The following RUNDC3B variants were observed in gnomAD, a reference collection of about 807,000 sequenced individuals.
The protein encoded by RUNDC3B is RUN domain containing 3B.
A neutral mutation model predicts 58.4 loss-of-function variants in RUNDC3B; 33 were observed. That is an observed-to-expected ratio of 0.56 (90% CI 0.43 to 0.75). RUNDC3B has a LOEUF of 0.75. Ranked by LOEUF, RUNDC3B falls within the 30% of genes least tolerant of loss-of-function variation. The pLI is 0.00. For synonymous variants in RUNDC3B, 193 were observed against 195.2 expected, an observed-to-expected ratio of 0.99 and a Z score of 0.10; for missense variants, 501 against 535.7, an observed-to-expected ratio of 0.94 and a Z score of 0.64.
chr7:87,760,662 G>A (rs766012848), intron 6 of RUNDC3B, among the ~76,000 whole-genome samples: 16 of 151,998 alleles, frequency 1.1e-4, no homozygotes, highest in Non-Finnish European at 2.2e-4. Flanking sequence ...TAAAATTCTG[G>A]AAATAAACCC....
chr7:87,698,775 A>G (rs1311864719), intron 2 of RUNDC3B, among the ~76,000 whole-genome samples: 2 of 152,206 alleles, frequency 1.3e-5, no homozygotes, highest in African/African-American at 4.8e-5. Context: ...TGAAATAATC[A>G]AGTAAAGAAA....
chr7:87,821,559 T>C (rs998523016), intron 10 of RUNDC3B, among the ~76,000 whole-genome samples: 27 of 151,872 alleles, frequency 1.8e-4, no homozygotes, highest in Admixed American at 3.9e-4. Context: ...TCATGTGGAA[T>C]CAAAAAAGAG....
chr7:87,679,529 A>G (rs975937504), intron 2 of RUNDC3B, among the ~76,000 whole-genome samples: 1 of 150,078 alleles, frequency 6.7e-6, no homozygotes, highest in Non-Finnish European at 1.5e-5. Flanking sequence ...AGCTGGGACT[A>G]CAGGCACACA....
At chr7:87,641,277 A>T (rs1219247788) in intron 1 of RUNDC3B, among the ~76,000 whole-genome samples, 1 of 152,228 alleles carries the variant, frequency 6.6e-6, no homozygotes, top group Non-Finnish European at 1.5e-5. Flanking sequence ...TTAGAAAGAT[A>T]TCGCCAACAG....
chr7:87,826,270 C>T (rs868328131), intron 10 of RUNDC3B, among the ~76,000 whole-genome samples: 1 of 152,062 alleles, frequency 6.6e-6, no homozygotes, highest in Non-Finnish European at 1.5e-5. Flanking sequence ...GAATGAGTCT[C>T]ACGAAATCTG....
At chr7:87,814,274 A>G (rs1241881712) in intron 9 of RUNDC3B, among the ~76,000 whole-genome samples, 1 of 151,782 alleles carries the variant, frequency 6.6e-6, no homozygotes, top group Non-Finnish European at 1.5e-5. Context: ...CTAATTTTGT[A>G]TTTTTAGTAG....
intron 6 of RUNDC3B, among the ~76,000 whole-genome samples, chr7:87,752,943 T>C (rs1319929319): frequency 6.6e-6 from 1 of 151,332 alleles, no homozygotes; most frequent in East Asian, 1.9e-4. Flanking sequence ...GCTCTTGCTT[T>C]TCTAGTTCTT....
rs140124727 is a variant in RUNDC3B at position 87,767,890 on chromosome 7, T to G, written c.630-2691T>G. Among the ~76,000 whole-genome samples, 414 of 152,240 alleles carry G rather than the reference T, an allele frequency of 2.7e-3. 3 individuals carry two copies. The highest frequency in any genetic ancestry group is 9.5e-3 in the African/African-American group (394 of 41,542). On this transcript the variant is annotated intron_variant, in intron 6 of 10. Coordinates refer to ENST00000394654, the MANE Select transcript of RUNDC3B (RefSeq NM_001134405.2). ...TCAGTTTAGATAGACACTATCTTTA[T>G]CTCTAGGCCACAATGCAACTGAGGT...
chr7:87,786,380 T>C (rs1835218032), intron 8 of RUNDC3B, among the ~76,000 whole-genome samples: 1 of 152,140 alleles, frequency 6.6e-6, no homozygotes, highest in Non-Finnish European at 1.5e-5. Context: ...GGAATTTGTA[T>C]TTTGATGAAA....
At chr7:87,827,976 C>T (rs80251840) in intron 10 of RUNDC3B, among the ~76,000 whole-genome samples, 1 of 152,126 alleles carries the variant, frequency 6.6e-6, no homozygotes, top group East Asian at 1.9e-4. Flanking sequence ...AACACAGACC[C>T]TATCTCAAGA....
chr7:87,670,230 G>A (rs1825688647), intron 2 of RUNDC3B, among the ~76,000 whole-genome samples: 1 of 152,148 alleles, frequency 6.6e-6, no homozygotes, highest in South Asian at 2.1e-4. Flanking sequence ...GTCTTCAGGT[G>A]CTGAGATTCT....
At chr7:87,657,073 C>T (rs542692731) in intron 2 of RUNDC3B, among the ~76,000 whole-genome samples, 2 of 152,216 alleles carry the variant, frequency 1.3e-5, no homozygotes, top group South Asian at 4.1e-4. Context: ...CTATTTCTCT[C>T]ACTAAGTACA....
At chr7:87,815,046 C>CA (rs1318848658) in intron 9 of RUNDC3B, among the ~76,000 whole-genome samples, 1 of 151,920 alleles carries the variant, frequency 6.6e-6, no homozygotes, top group Non-Finnish European at 1.5e-5. Context: ...TTTAAACAGT[C>CA]AATCTAGTTT....
At chr7:87,750,245 A>G (rs1469482988) in intron 6 of RUNDC3B, among the ~76,000 whole-genome samples, 2 of 152,082 alleles carry the variant, frequency 1.3e-5, no homozygotes, top group African/African-American at 4.8e-5. Flanking sequence ...TCCATGGTGT[A>G]TATGTGCCAC....
At position 87,630,409 on chromosome 7, in the gene RUNDC3B, G is replaced by A. The variant is rs28381768; in HGVS notation, c.122+1464G>A. On this transcript the variant is annotated intron_variant, in intron 1 of 10. Transcript: ENST00000394654. ...TAAATGGTAAAGTAATATGGTATCC[G>A]TTTAATTTGCCGTTTGTGCTGTCTA... 1.3e-3 allele frequency among the ~76,000 whole-genome samples: 195 copies of A among 152,250 alleles called. 2 individuals carry two copies. Among genetic ancestry groups the A allele is most frequent in the South Asian group, 0.011 (53 of 4,830 alleles).
chr7:87,824,164 T>A (rs1232129151), intron 10 of RUNDC3B, among the ~76,000 whole-genome samples: 1 of 151,246 alleles, frequency 6.6e-6, no homozygotes, highest in East Asian at 2.1e-4. Context: ...AACAAGCAAT[T>A]AGTCATAAGA....
In RUNDC3B at chr7:87,628,572, G is replaced by GGTGC. The variant is rs1226549428; in HGVS notation, c.-240_-237dup. The GGTGC allele has an allele frequency of 3.8e-3, 1,227 of 326,656 alleles. 4 individuals carry two copies. Among genetic ancestry groups the GGTGC allele is most frequent in the East Asian group, 0.012 (261 of 21,742 alleles). 20.2% of individuals were successfully genotyped at this position (326,656 alleles called of 1,614,324 possible). On this transcript the variant is annotated 5_prime_UTR_variant, in exon 1 of 11. Coordinates refer to ENST00000394654, the MANE Select transcript of RUNDC3B (RefSeq NM_001134405.2). ...TCGGCGGCGCGCCGAGGGCGGAGGT[G>GGTGC]GTGCGTGCGTGCGTGTGTGTGTGTG...
chr7:87,742,105 T>C (rs888525473), intron 6 of RUNDC3B, among the ~76,000 whole-genome samples: 1 of 152,206 alleles, frequency 6.6e-6, no homozygotes, highest in Admixed American at 6.6e-5. Flanking sequence ...ATTCTGGATT[T>C]CCCACAATCT....
chr7:87,725,900 T>C (rs1340406477), intron 4 of RUNDC3B, among the ~76,000 whole-genome samples: 1 of 152,214 alleles, frequency 6.6e-6, no homozygotes, highest in Non-Finnish European at 1.5e-5. Flanking sequence ...TTTTGAGAAG[T>C]GTCTGTTCAT....
Sources: gnomAD v4.1 joint callset for allele counts (sites outside exome capture counted in the v4.1 genomes callset) on GRCh38, gnomAD v4.1.1 for gene constraint, MANE v1.5 for transcripts, NCBI Gene and HGNC (gene_info 2026-07-23, HGNC 2026-07-21) for gene names.